COP1: variants seen among roughly 807,000 people sequenced by gnomAD.
COP1 encodes E3 ubiquitin-protein ligase COP1.
COP1 carries 24 observed loss-of-function variants against 101.3 expected under a neutral mutation model. That is an observed-to-expected ratio of 0.24 (90% CI 0.17 to 0.33). The LOEUF is 0.33. Ranked by LOEUF, COP1 falls within the 10% of genes least tolerant of loss-of-function variation. The pLI, the probability that COP1 is intolerant of heterozygous loss-of-function variation, is 1.00. For missense variants in COP1, 663 were observed against 906.2 expected (o/e 0.73, Z 3.45); for synonymous variants, 347 against 341.9 (o/e 1.01, Z -0.17).
chr1:175,972,263 A>G (rs536665000), intron 18 of COP1, among the ~76,000 whole-genome samples: 1 of 152,312 alleles, frequency 6.6e-6, no homozygotes, highest in South Asian at 2.1e-4. Context: ...GGTGATCAAC[A>G]GACCATACTT....
intron 8 of COP1, among the ~76,000 whole-genome samples, chr1:176,124,064 T>A (rs1687588126): frequency 6.6e-6 from 1 of 152,196 alleles, no homozygotes; most frequent in Non-Finnish European, 1.5e-5. Context: ...AGAATTTAAA[T>A]GAACTTTTAT....
chr1:175,993,086 G>A (rs185968975), intron 15 of COP1, among the ~76,000 whole-genome samples: 73 of 152,252 alleles, frequency 4.8e-4, no homozygotes, highest in South Asian at 8.3e-4. Flanking sequence ...TGCGGTTCAC[G>A]AAAAGCCGCT....
At chr1:175,995,821 A>G (rs1296742399) in intron 15 of COP1, among the ~76,000 whole-genome samples, 1 of 152,232 alleles carries the variant, frequency 6.6e-6, no homozygotes, top group Non-Finnish European at 1.5e-5. Flanking sequence ...CAGAGGTACA[A>G]GGAGGAACTG....
At chr1:176,156,372 G>T (rs1342359580) in intron 5 of COP1, among the ~76,000 whole-genome samples, 1 of 152,002 alleles carries the variant, frequency 6.6e-6, no homozygotes, top group Non-Finnish European at 1.5e-5. Context: ...AAGAAAGGAG[G>T]AAGAAGTGAT....
intron 2 of COP1, among the ~76,000 whole-genome samples, chr1:176,182,707 G>A (rs779744802): frequency 1.3e-5 from 2 of 152,206 alleles, no homozygotes; most frequent in Non-Finnish European, 2.9e-5. Flanking sequence ...ATGGACCAAA[G>A]AGAACACTAC....
chr1:176,015,693 A>C (rs1297575812), intron 15 of COP1, among the ~76,000 whole-genome samples: 1 of 152,194 alleles, frequency 6.6e-6, no homozygotes, highest in African/African-American at 2.4e-5. Context: ...ACTGCAGGGA[A>C]AGCAACAAAG....
At position 176,071,266 on chromosome 1, in the gene COP1, C is replaced by T. The variant is rs139264375; in HGVS notation, c.1277+9886G>A. Among the ~76,000 whole-genome samples, 143 of 152,154 alleles carry T rather than the reference C, an allele frequency of 9.4e-4. 1 individual carries two copies. Among genetic ancestry groups the T allele is most frequent in the African/African-American group, 3.1e-3 (127 of 41,506 alleles). On this transcript the variant is annotated intron_variant, in intron 11 of 19. Transcript: ENST00000367669. ...GCCCCTCCTTTAGCTATGTGACTTGCCTGCTCCCACTTCACCTTCCACCAT... is the reference window on the plus strand; with the variant it reads ...GCCCCTCCTTTAGCTATGTGACTTGTCTGCTCCCACTTCACCTTCCACCAT...
Position 176,182,512 on chromosome 1 carries a change from G to A in COP1, c.467+2121C>T, listed in dbSNP as rs528664765. Among the ~76,000 whole-genome samples the A allele has an allele frequency of 2.6e-5, 4 of 152,338 alleles. No homozygotes were observed. The South Asian group carries it at 8.3e-4, about 32-fold the overall frequency. On this transcript the variant is annotated intron_variant, in intron 2 of 19. Coordinates refer to ENST00000367669, the MANE Select transcript of COP1 (RefSeq NM_022457.7). ...GTACTGGGTAGGGGTCAAGTATACT[G>A]CTAAACAATCTATAAAGCACAGTGC...
At position 175,950,722 on chromosome 1, in the gene COP1, TA is replaced by T. The variant is rs1649787202; in HGVS notation, c.2134-3484del. ...AAGGCTAAGCTAATAAAATACCCAA[TA>T]TTTTTTTCTGACTATGAAGAGACTA... On this transcript the variant is annotated intron_variant, in intron 18 of 19. Transcript: ENST00000367669. 6.6e-5 allele frequency among the ~76,000 whole-genome samples: 10 copies of T among 152,314 alleles called. No individual in the cohort carries two copies. The South Asian group carries it at 2.1e-3, about 32-fold the overall frequency.
At chr1:176,091,370 A>C (rs1358335300) in intron 9 of COP1, among the ~76,000 whole-genome samples, 1 of 146,594 alleles carries the variant, frequency 6.8e-6, no homozygotes, top group Non-Finnish European at 1.5e-5. Context: ...AAAAAAAAAA[A>C]CTTCTGAAGT....
At chr1:176,168,259 A>G (rs147113985) in intron 3 of COP1, among the ~76,000 whole-genome samples, 1,746 of 151,608 alleles carry the variant, frequency 0.012, 33 homozygotes, top group African/African-American at 0.037. Context: ...GGATTTCACC[A>G]TGTTGGCCAG....
At chr1:176,085,466 T>A (rs1679967222) in intron 10 of COP1, among the ~76,000 whole-genome samples, 1 of 152,208 alleles carries the variant, frequency 6.6e-6, no homozygotes, top group Non-Finnish European at 1.5e-5. Context: ...TTCATGTTTA[T>A]TTAATGTTAA....
chr1:176,134,126 A>G (rs1689411085), intron 8 of COP1, among the ~76,000 whole-genome samples: 1 of 151,980 alleles, frequency 6.6e-6, no homozygotes, highest in Non-Finnish European at 1.5e-5. Context: ...AACTAGATCC[A>G]TAATAGCTTT....
intron 18 of COP1, among the ~76,000 whole-genome samples, chr1:175,973,033 T>G (rs917257810): frequency 6.6e-6 from 1 of 152,094 alleles, no homozygotes; most frequent in Non-Finnish European, 1.5e-5. Context: ...GGTTTCTCCA[T>G]GTTGGTCAGG....
At chr1:176,036,507 C>CAAAAAAAAAAAAAAAAA (rs77138527) in intron 14 of COP1, among the ~76,000 whole-genome samples, 2 of 127,320 alleles carry the variant, frequency 1.6e-5, no homozygotes, top group African/African-American at 6.1e-5. Flanking sequence ...AACAAAAAAA[C>CAAAAAAAAAAAAAAAAA]AAAAAAAAAA....
At position 176,043,611 on chromosome 1, in the gene COP1, G is replaced by A. The variant is rs1671018548; in HGVS notation, c.1530+99C>T. On this transcript the variant is annotated intron_variant, in intron 13 of 19. Coordinates refer to ENST00000367669, the MANE Select transcript of COP1 (RefSeq NM_022457.7). ...ACACAGGTATAAAAAATACTAAATAGTGACTTCAAATCTGTAATTATAAGG... is the reference window on the plus strand; with the variant it reads ...ACACAGGTATAAAAAATACTAAATAATGACTTCAAATCTGTAATTATAAGG... The A allele has an allele frequency of 1.6e-5, 12 of 751,370 alleles. No individual in the cohort carries two copies. The South Asian group carries it at 2.0e-4, about 13-fold the overall frequency. The allele number at this position is 751,370 out of a possible 1,614,324, so 46.5% of individuals were successfully genotyped here.
intron 18 of COP1, among the ~76,000 whole-genome samples, chr1:175,969,251 G>C (rs1652761010): frequency 6.6e-6 from 1 of 152,164 alleles, no homozygotes; most frequent in Non-Finnish European, 1.5e-5. Flanking sequence ...GAAGATTCAA[G>C]GAAAACACAG....
Position 176,046,247 on chromosome 1 carries a change from G to A in COP1, c.1355C>T (p.Thr452Ile). 1 of 1,608,244 alleles carries A rather than the reference G, an allele frequency of 6.2e-7. No individual in the cohort carries two copies. The highest frequency in any genetic ancestry group is 8.5e-7 in the Non-Finnish European group (1 of 1,177,194). The change falls in exon 12 of 20, where the codon ACT (threonine) becomes ATT (isoleucine). Residue 452 changes from threonine to isoleucine, a missense_variant. Thr to Ile is a moderately conservative substitution (Grantham distance 89, BLOSUM62 -1). Around this residue, in one of 4 missense-constraint regions of COP1, gnomAD observed 209 missense variants for 383.3 expected, o/e 0.55. Transcript: ENST00000367669. The part of the protein sequence containing the change: ...TKKIKVYEYD[T>I]VIQDAVDIHY... Reference sequence around the variant, plus strand: ...AATATCCACTGCATCCTGGATGACAGTGTCATATTCATAGACTTTAATCTT... The same window carrying A: ...AATATCCACTGCATCCTGGATGACAATGTCATATTCATAGACTTTAATCTT...
intron 6 of COP1, among the ~76,000 whole-genome samples, chr1:176,148,676 T>TA (rs1691955226): frequency 6.6e-6 from 1 of 152,136 alleles, no homozygotes; most frequent in South Asian, 2.1e-4. Flanking sequence ...ACCTAAGGCT[T>TA]TATTATCTAA....
Sources: gnomAD v4.1 joint callset for allele counts (sites outside exome capture counted in the v4.1 genomes callset) on GRCh38, gnomAD v4.1.1 for gene constraint, gnomAD v4.1.1 regional missense constraint, MANE v1.5 for transcripts, NCBI Gene and HGNC (gene_info 2026-07-23, HGNC 2026-07-21) for gene names.